Variants in LDLRAD2 observed in about 807,000 individuals in gnomAD.
LDLRAD2 encodes low density lipoprotein receptor class A domain containing 2.
LDLRAD2 carries 25 observed loss-of-function variants against 24.9 expected under a neutral mutation model. The ratio of observed to expected loss-of-function variants is 1.00; its 90% CI spans 0.73 to 1.40. The LOEUF is 1.40. Ranked by LOEUF, LDLRAD2 falls within the 40% of genes most tolerant of loss-of-function variation. The pLI is 0.00. For missense variants in LDLRAD2, 391 were observed against 366.2 expected, an observed-to-expected ratio of 1.07 and a Z score of -0.55; for synonymous variants, 182 against 166.7, an observed-to-expected ratio of 1.09 and a Z score of -0.71.
In LDLRAD2 at chr1:21,823,476, T is replaced by C; in HGVS notation, c.*1261T>C. The C allele has an allele frequency of 6.2e-7, 1 of 1,600,260 alleles. No homozygotes were observed. The highest frequency in any genetic ancestry group is 1.3e-5 in the African/African-American group (1 of 74,946). Reference sequence around the variant, plus strand: ...TCTGCCCCCGGTCAGCGTGGCCACGTCAGGGGCTCCGCCTGCCGGGAGGTG... The same window carrying C: ...TCTGCCCCCGGTCAGCGTGGCCACGCCAGGGGCTCCGCCTGCCGGGAGGTG... On this transcript the variant is annotated 3_prime_UTR_variant, in exon 5 of 5. Coordinates refer to ENST00000344642, the MANE Select transcript of LDLRAD2 (RefSeq NM_001013693.3).
At position 21,823,240 on chromosome 1, in the gene LDLRAD2, ATAATAT is replaced by A; in HGVS notation, c.*1031_*1036del. ...CCTCGGTTTCTTACAAAAATTCATA[ATAATAT>A]TAATAATAATATACTCGACATTGTC... is the stretch of plus-strand genomic sequence containing the variant. On this transcript the variant is annotated 3_prime_UTR_variant, in exon 5 of 5. Transcript: ENST00000344642. 1 of 1,278,242 alleles carries A rather than the reference ATAATAT, an allele frequency of 7.8e-7. No homozygotes were observed. The highest frequency in any genetic ancestry group is 1.0e-6 in the Non-Finnish European group (1 of 972,564). The allele number at this position is 1,278,242 out of a possible 1,614,324, so 79.2% of individuals were successfully genotyped here.
Position 21,812,547 on chromosome 1 carries a change from G to T in LDLRAD2, c.85+11G>T. 1.2e-6 allele frequency: 2 copies of T among 1,613,094 alleles called. No homozygotes were observed. The highest frequency in any genetic ancestry group is 2.2e-5 in the South Asian group (2 of 90,948). On this transcript the variant is annotated intron_variant, in intron 1 of 4. Coordinates refer to ENST00000344642, the MANE Select transcript of LDLRAD2 (RefSeq NM_001013693.3). ...CTGCTTTGGAGACAGGTAAGTATCA[G>T]GGGGCTTGGTTGGGGCACCCAGAAG...
At chr1:21,819,313 C>T (rs189830982) in intron 3 of LDLRAD2, among the ~76,000 whole-genome samples, 1 of 151,922 alleles carries the variant, frequency 6.6e-6, no homozygotes, top group East Asian at 1.9e-4. Flanking sequence ...GCATAGGTTG[C>T]GGTGAGCCGA....
intron 1 of LDLRAD2, among the ~76,000 whole-genome samples, chr1:21,812,925 C>A (rs1353214268): frequency 6.6e-6 from 1 of 152,226 alleles, no homozygotes; most frequent in Non-Finnish European, 1.5e-5. Flanking sequence ...GCCCTTGCCC[C>A]TTAAGGGACT....
Position 21,814,785 on chromosome 1 carries a change from G to A in LDLRAD2, c.473G>A (p.Arg158His), listed in dbSNP as rs746881276. 1 of 1,479,768 alleles carries A rather than the reference G, an allele frequency of 6.8e-7. No individual in the cohort carries two copies. The highest frequency in any genetic ancestry group is 8.9e-7 in the Non-Finnish European group (1 of 1,121,676). The allele number at this position is 1,479,768 out of a possible 1,614,324, so 91.7% of individuals were successfully genotyped here. ...LRLVTRGRQP[R>H]VDFVGEVTSF... ...CTGGTCACGAGAGGCCGCCAGCCCCGCGTGGACTTCGTGGGCGAAGTCACC... is the reference window on the plus strand; with the variant it reads ...CTGGTCACGAGAGGCCGCCAGCCCCACGTGGACTTCGTGGGCGAAGTCACC... The change falls in exon 2 of 5, where the codon CGC becomes CAC. Residue 158 changes from arginine to histidine, a missense_variant. By Grantham distance (29) the Arg-to-His change is conservative (BLOSUM62 0). Coordinates refer to ENST00000344642, the MANE Select transcript of LDLRAD2 (RefSeq NM_001013693.3).
At position 21,824,388 on chromosome 1, in the gene LDLRAD2, G is replaced by C. The variant is rs1202712159; in HGVS notation, c.*2173G>C. ...GCCTCTCCCACCTCCTGCCAGGGAA[G>C]CACAGGGTCTCTGGGGTCCCCAGCC... On this transcript the variant is annotated 3_prime_UTR_variant, in exon 5 of 5. Coordinates refer to ENST00000344642, the MANE Select transcript of LDLRAD2 (RefSeq NM_001013693.3). This position sits in a 1 kb window ranked among gnomAD's most constrained non-coding sequence, Gnocchi z 5.9. The C allele has an allele frequency of 1.2e-6, 2 of 1,613,588 alleles. No individual in the cohort carries two copies. Among genetic ancestry groups the C allele is most frequent in the Admixed American group, 3.3e-5 (2 of 60,030 alleles).
At position 21,814,424 on chromosome 1, in the gene LDLRAD2, A is replaced by C; in HGVS notation, c.112A>C (p.Thr38Pro). Reference protein sequence around the residue: ...TADLAELCGQTWQGDGLLLRS... With the variant: ...TADLAELCGQPWQGDGLLLRS... ...CGACCTGGCGGAACTGTGCGGGCAGACGTGGCAGGGGGACGGGCTGCTGCT... is the reference window on the plus strand; with the variant it reads ...CGACCTGGCGGAACTGTGCGGGCAGCCGTGGCAGGGGGACGGGCTGCTGCT... The change falls in exon 2 of 5, where the codon ACG becomes CCG. Residue 38 changes from threonine (T) to proline (P), a missense_variant. Thr to Pro is a conservative substitution (Grantham distance 38). Coordinates refer to ENST00000344642, the MANE Select transcript of LDLRAD2 (RefSeq NM_001013693.3). The C allele has an allele frequency of 6.2e-7, 1 of 1,607,586 alleles. No homozygotes were observed.
At chr1:21,813,810 C>T (rs1012816435) in intron 1 of LDLRAD2, among the ~76,000 whole-genome samples, 1 of 152,088 alleles carries the variant, frequency 6.6e-6, no homozygotes, top group Non-Finnish European at 1.5e-5. Flanking sequence ...CCATCCTCAT[C>T]CTCAGTCAGC....
At position 21,815,990 on chromosome 1, in the gene LDLRAD2, T is replaced by A; in HGVS notation, c.559T>A (p.Ser187Thr). 1 of 1,613,862 alleles carries A rather than the reference T, an allele frequency of 6.2e-7. No individual in the cohort carries two copies. Among genetic ancestry groups the A allele is most frequent in the Non-Finnish European group, 8.5e-7 (1 of 1,179,972 alleles). ...CTGCCAGAATGGCAGGTGCATCCCCTCAAGCCTCGTGTGTGACCCCTGGGG... is the reference window on the plus strand; with the variant it reads ...CTGCCAGAATGGCAGGTGCATCCCCACAAGCCTCGTGTGTGACCCCTGGGG... The part of the protein sequence containing the change: ...FRCQNGRCIP[S>T]SLVCDPWGMD... Residue 187 changes from serine to threonine, a missense_variant, in exon 3 of 5, where the codon TCA (serine) becomes ACA (threonine). Transcript: ENST00000344642.
Position 21,824,188 on chromosome 1 carries a change from C to T in LDLRAD2, c.*1973C>T. 1 of 1,613,798 alleles carries T rather than the reference C, an allele frequency of 6.2e-7. No individual in the cohort carries two copies. The highest frequency in any genetic ancestry group is 8.5e-7 in the Non-Finnish European group (1 of 1,180,038). On this transcript the variant is annotated 3_prime_UTR_variant, in exon 5 of 5. Transcript: ENST00000344642. The surrounding 1 kb of genome is among the most constrained non-coding windows in gnomAD (Gnocchi z 5.9). ...TCCTCAGAGACCAGGCGGGCCTCCC[C>T]ACTACCCAGCTGGTACCTGCAGTCA...
intron 3 of LDLRAD2, among the ~76,000 whole-genome samples, chr1:21,818,297 C>G (rs1420753862): frequency 6.6e-6 from 1 of 152,220 alleles, no homozygotes; most frequent in Non-Finnish European, 1.5e-5. Context: ...CAGGCGTGAG[C>G]CTCCGCACCC....
At chr1:21,818,093 TC>T (rs2097945889) in intron 3 of LDLRAD2, among the ~76,000 whole-genome samples, 1 of 113,992 alleles carries the variant, frequency 8.8e-6, no homozygotes, top group African/African-American at 3.6e-5. Flanking sequence ...GACAGGCTGG[TC>T]TCAAACTCCT....
At position 21,823,167 on chromosome 1, in the gene LDLRAD2, G is replaced by T; in HGVS notation, c.*952G>T. 6 of 759,838 alleles carry T rather than the reference G, an allele frequency of 7.9e-6. No homozygotes were observed. Among genetic ancestry groups the T allele is most frequent in the Non-Finnish European group, 1.2e-5 (6 of 510,620 alleles). The allele number at this position is 759,838 out of a possible 1,614,324, so 47.1% of individuals were successfully genotyped here. A position where few individuals can be genotyped will look rare whatever the true frequency, so the allele number is the denominator to read the frequency against. On this transcript the variant is annotated 3_prime_UTR_variant, in exon 5 of 5. Coordinates refer to ENST00000344642, the MANE Select transcript of LDLRAD2 (RefSeq NM_001013693.3). ...CCAGCTGTGTGTGTGAGGGTGGCATGCCCACCTCCAGTCCAGCCCAGGGCG... is the reference window on the plus strand; with the variant it reads ...CCAGCTGTGTGTGTGAGGGTGGCATTCCCACCTCCAGTCCAGCCCAGGGCG...
intron 3 of LDLRAD2, 81 bp from the exon 4 acceptor site, chr1:21,821,369 T>C: frequency 5.1e-6 from 8 of 1,555,246 alleles, no homozygotes; most frequent in Non-Finnish European, 7.0e-6. Context: ...CTCAGGGAAG[T>C]CTTGTGAGGA....
At position 21,824,948 on chromosome 1, in the gene LDLRAD2, C is replaced by G; in HGVS notation, c.*2733C>G. 1 of 677,116 alleles carries G rather than the reference C, an allele frequency of 1.5e-6. No individual in the cohort carries two copies. The highest frequency in any genetic ancestry group is 2.7e-6 in the Non-Finnish European group (1 of 369,304). 41.9% of individuals were successfully genotyped at this position (677,116 alleles called of 1,614,324 possible). A position where few individuals can be genotyped will look rare whatever the true frequency, so the allele number is the denominator to read the frequency against. On this transcript the variant is annotated 3_prime_UTR_variant, in exon 5 of 5. Coordinates refer to ENST00000344642, the MANE Select transcript of LDLRAD2 (RefSeq NM_001013693.3). This position sits in a 1 kb window ranked among gnomAD's most constrained non-coding sequence, Gnocchi z 5.9. ...CAACAGAATTCAGGGAGCCTATGAC[C>G]TTGGATGGGAAAGCATTACACCTCA... is the stretch of plus-strand genomic sequence containing the variant.
chr1:21,816,046 G>A lies in LDLRAD2; in HGVS notation c.615G>A (p.Gln205=). ...ACAACTGTGGCGATGGCAGTGACCAGGGCTCCTGGTCACCAGCTGACTGCA... is the reference window on the plus strand; with the variant it reads ...ACAACTGTGGCGATGGCAGTGACCAAGGCTCCTGGTCACCAGCTGACTGCA... ...GMDNCGDGSD[Q]GSWSPADCRG... Residue 205 remains glutamine, a synonymous_variant, in exon 3 of 5, where the codon CAG becomes CAA. Transcript: ENST00000344642. 6.2e-7 allele frequency: 1 copy of A among 1,613,520 alleles called. No homozygotes were observed.
chr1:21,813,972 C>T (rs536392522), intron 1 of LDLRAD2, among the ~76,000 whole-genome samples: 2 of 151,926 alleles, frequency 1.3e-5, no homozygotes, highest in South Asian at 2.1e-4. Context: ...CCAGAGTTCA[C>T]GCGATTCTCA....
Position 21,823,638 on chromosome 1 carries a change from G to A in LDLRAD2, c.*1423G>A, listed in dbSNP as rs147161785. The A allele has an allele frequency of 2.3e-5, 37 of 1,613,646 alleles. No individual in the cohort carries two copies. The highest frequency in any genetic ancestry group is 1.5e-4 in the African/African-American group (11 of 74,898). On this transcript the variant is annotated 3_prime_UTR_variant, in exon 5 of 5. Transcript: ENST00000344642. ...TACCGATGTAGACGCTGCCCTTGGC[G>A]TTGACTGCCACGTTGGGACCTGGGG...
chr1:21,813,876 C>CT (rs35652739), intron 1 of LDLRAD2, among the ~76,000 whole-genome samples: 13,708 of 147,956 alleles, frequency 0.093, 808 homozygotes, highest in East Asian at 0.28. Context: ...TCCCCCTCCC[C>CT]TTTTTTTTTT....
Sources: gnomAD v4.1 joint callset for allele counts (sites outside exome capture counted in the v4.1 genomes callset) on GRCh38, gnomAD v4.1.1 for gene constraint, Gnocchi (gnomAD v3.1) non-coding constraint, MANE v1.5 for transcripts, NCBI Gene and HGNC (gene_info 2026-07-23, HGNC 2026-07-21) for gene names.